HLCS: variants seen among roughly 807,000 people sequenced by gnomAD.
HLCS encodes the protein biotin--protein ligase.
In HLCS, 53 loss-of-function variants were observed where a neutral mutation model predicts 75.0. The ratio of observed to expected loss-of-function variants is 0.71; its 90% CI spans 0.57 to 0.89. The LOEUF is 0.89. Among genes scored for constraint, HLCS ranks in the 40% least tolerant of loss-of-function variants. The pLI is 0.00. For synonymous variants in HLCS, 431 were observed against 428.6 expected (o/e 1.01, Z -0.07); for missense variants, 966 against 1,074.0 (o/e 0.90, Z 1.41).
At chr21:36,962,460 T>A (rs577472285) in intron 1 of HLCS, among the ~76,000 whole-genome samples, 4 of 152,242 alleles carry the variant, frequency 2.6e-5, no homozygotes, top group African/African-American at 9.6e-5. Context: ...CCTCACTGCT[T>A]AGCACACAGT....
chr21:36,847,403 T>A (rs185024243), intron 6 of HLCS, among the ~76,000 whole-genome samples: 4 of 152,304 alleles, frequency 2.6e-5, no homozygotes, highest in African/African-American at 9.6e-5. Flanking sequence ...TGAAAAGGAA[T>A]TTCATGGTGC....
chr21:36,933,419 C>T (rs985389533), intron 4 of HLCS, among the ~76,000 whole-genome samples: 19 of 151,766 alleles, frequency 1.3e-4, no homozygotes, highest in South Asian at 4.2e-4. Flanking sequence ...GGCCTGATAG[C>T]GCATGCTTGT....
At chr21:36,944,479 G>A (rs1368810793) in intron 2 of HLCS, among the ~76,000 whole-genome samples, 1 of 152,160 alleles carries the variant, frequency 6.6e-6, no homozygotes. Flanking sequence ...ACACAGAACT[G>A]TGCATCTAAA....
chr21:36,850,542 C>T (rs1195507901), intron 6 of HLCS, among the ~76,000 whole-genome samples: 1 of 152,194 alleles, frequency 6.6e-6, no homozygotes, highest in Non-Finnish European at 1.5e-5. Context: ...AGAGGCCAGC[C>T]CCAATTCAGC....
chr21:36,833,037 C>T (rs576778918), intron 6 of HLCS, among the ~76,000 whole-genome samples: 1 of 150,210 alleles, frequency 6.7e-6, no homozygotes, highest in South Asian at 2.1e-4. Flanking sequence ...AAATAGAAGA[C>T]CATTTTTTTT....
intron 5 of HLCS, among the ~76,000 whole-genome samples, chr21:36,923,045 C>CCCCACCGCCGCA (rs1304211722): frequency 6.6e-6 from 1 of 152,166 alleles, no homozygotes; most frequent in Non-Finnish European, 1.5e-5. Flanking sequence ...TCGCCGGGCG[C>CCCCACCGCCGCA]CCCACCGCCG....
chr21:36,958,432 T>C lies in HLCS; in HGVS notation c.330+3604A>G, dbSNP rs2068093475. On this transcript the variant is annotated intron_variant, in intron 2 of 10. Transcript: ENST00000674895. ...TCTCTTTAAAACCATTAATTCGTTC[T>C]CTAGTTACTAGAAAGGATAGAAGCA... is the stretch of plus-strand genomic sequence containing the variant. Among the ~76,000 whole-genome samples the C allele has an allele frequency of 2.0e-5, 3 of 152,328 alleles. No homozygotes were observed. The South Asian group carries it at 6.2e-4, about 32-fold the overall frequency.
chr21:36,784,306 C>G (rs1052460405), intron 6 of HLCS, among the ~76,000 whole-genome samples: 1 of 140,124 alleles, frequency 7.1e-6, no homozygotes, highest in African/African-American at 2.8e-5. Context: ...GTAGAAATAC[C>G]ACCTCTTTTT....
intron 5 of HLCS, among the ~76,000 whole-genome samples, chr21:36,909,098 G>A (rs2065589877): frequency 6.6e-6 from 1 of 152,162 alleles, no homozygotes; most frequent in South Asian, 2.1e-4. Context: ...GAGGGAGACT[G>A]AGGCAGCAGA....
chr21:36,862,049 C>G (rs761233806), intron 6 of HLCS, among the ~76,000 whole-genome samples: 9 of 152,216 alleles, frequency 5.9e-5, no homozygotes, highest in Non-Finnish European at 1.2e-4. Context: ...AACATGTGGT[C>G]TTCTTCTGTG....
chr21:36,790,611 C>T (rs567039841), intron 6 of HLCS, among the ~76,000 whole-genome samples: 4 of 152,294 alleles, frequency 2.6e-5, no homozygotes, highest in South Asian at 4.1e-4. Context: ...CATGATCTTA[C>T]GCTTCCGTGG....
chr21:36,780,223 A>G (rs1041600446), intron 6 of HLCS, among the ~76,000 whole-genome samples: 2 of 152,050 alleles, frequency 1.3e-5, no homozygotes, highest in Non-Finnish European at 2.9e-5. Context: ...GCAGCTGCAA[A>G]TAAGTTCATA....
chr21:36,902,010 A>G (rs1192426019), intron 5 of HLCS, among the ~76,000 whole-genome samples: 2 of 152,150 alleles, frequency 1.3e-5, no homozygotes, highest in East Asian at 3.9e-4. Context: ...TCCTGACTCC[A>G]GTTTGGAAGG....
At chr21:36,757,408 T>C (rs763123416) in intron 9 of HLCS, among the ~76,000 whole-genome samples, 2 of 152,168 alleles carry the variant, frequency 1.3e-5, no homozygotes, top group Middle Eastern at 3.2e-3. Flanking sequence ...AATAGGCTTA[T>C]CTGTGCAGTT....
chr21:36,785,807 C>T (rs544505249), intron 6 of HLCS, among the ~76,000 whole-genome samples: 2 of 152,304 alleles, frequency 1.3e-5, no homozygotes, highest in Admixed American at 6.5e-5. Flanking sequence ...AAGCAGGATG[C>T]TAGCTTTAGG....
At chr21:36,904,273 AGTT>A (rs2065358127) in intron 5 of HLCS, among the ~76,000 whole-genome samples, 1 of 152,228 alleles carries the variant, frequency 6.6e-6, no homozygotes, top group Admixed American at 6.5e-5. Context: ...TGTGCATGCA[AGTT>A]GAGAGCCATA....
At chr21:36,756,475 A>AAAT in intron 10 of HLCS, 67 bp downstream of exon 10, 1 of 665,642 alleles carries the variant, frequency 1.5e-6, no homozygotes, top group Non-Finnish European at 2.6e-6. Flanking sequence ...AAAAAAAAAA[A>AAAT]AAAGATACAG....
At position 36,750,582 on chromosome 21, in the gene HLCS, T is replaced by C. The variant is rs549498083; in HGVS notation, c.*3664A>G. Among the ~76,000 whole-genome samples the C allele has an allele frequency of 9.9e-5, 15 of 152,254 alleles. 1 individual carries two copies. The South Asian group carries it at 3.1e-3, about 32-fold the overall frequency. On this transcript the variant is annotated 3_prime_UTR_variant, in exon 11 of 11. Transcript: ENST00000674895. Reference sequence around the variant, plus strand: ...GGAGGTTTAATACGGCCAATGGATCTTGTATAAAGTCTACGTAAGTTTTAA... The same window carrying C: ...GGAGGTTTAATACGGCCAATGGATCCTGTATAAAGTCTACGTAAGTTTTAA...
At chr21:36,755,396 TA>T (rs1304768663) in intron 10 of HLCS, among the ~76,000 whole-genome samples, 6,049 of 138,932 alleles carry the variant, frequency 0.044, 398 homozygotes, top group African/African-American at 0.14. Flanking sequence ...AGACCCTCTC[TA>T]AAAAAAAAAA....
Sources: gnomAD v4.1 joint callset for allele counts (sites outside exome capture counted in the v4.1 genomes callset) on GRCh38, gnomAD v4.1.1 for gene constraint, MANE v1.5 for transcripts, NCBI Gene and HGNC (gene_info 2026-07-23, HGNC 2026-07-21) for gene names.